RGS6: variants seen among roughly 807,000 people sequenced by gnomAD.
The protein encoded by RGS6 is regulator of G-protein signaling 6.
RGS6 carries 30 observed loss-of-function variants against 78.5 expected under a neutral mutation model. The observed-to-expected ratio is 0.38, with a 90% CI of 0.29 to 0.52. The LOEUF (loss-of-function observed/expected upper bound fraction) is 0.52, where lower values mean the gene tolerates loss of function less well. Ranked by LOEUF, RGS6 falls within the 20% of genes least tolerant of loss-of-function variation. The pLI is 0.85. For synonymous variants in RGS6, 206 were observed against 206.0 expected (o/e 1.00, Z 0.00); for missense variants, 495 against 609.7 (o/e 0.81, Z 1.98).
intron 1 of RGS6, among the ~76,000 whole-genome samples, chr14:71,955,960 G>A (rs543175811): frequency 6.6e-6 from 1 of 152,294 alleles, no homozygotes; most frequent in South Asian, 2.1e-4. Flanking sequence ...GAAGATGAGG[G>A]ACTTGCCTTC....
chr14:72,089,231 C>T (rs968472221), intron 2 of RGS6, among the ~76,000 whole-genome samples: 6 of 152,230 alleles, frequency 3.9e-5, no homozygotes, highest in African/African-American at 1.2e-4. Flanking sequence ...TTAAAACATA[C>T]TCACTGCATG....
intron 2 of RGS6, among the ~76,000 whole-genome samples, chr14:72,314,460 C>G (rs1826433462): frequency 6.6e-6 from 1 of 152,182 alleles, no homozygotes; most frequent in South Asian, 2.1e-4. Context: ...CTACTTATGT[C>G]TCATTGGCCA....
chr14:72,596,625 T>C, the RGS6 span, among the ~76,000 whole-genome samples: 5 of 152,164 alleles, frequency 3.3e-5, no homozygotes, highest in Non-Finnish European at 5.9e-5. Flanking sequence ...AGAGGAAGAA[T>C]TGACTGCCTT....
At chr14:72,450,970 T>A (rs2095478014) in intron 3 of RGS6, among the ~76,000 whole-genome samples, 1 of 152,212 alleles carries the variant, frequency 6.6e-6, no homozygotes, top group Non-Finnish European at 1.5e-5. Flanking sequence ...ACACAATGAT[T>A]TACTCCCTGC....
intron 2 of RGS6, among the ~76,000 whole-genome samples, chr14:72,032,046 A>G (rs2090983031): frequency 6.6e-6 from 1 of 152,094 alleles, no homozygotes; most frequent in African/African-American, 2.4e-5. Flanking sequence ...GTATAGTTTA[A>G]TGGACTGCTG....
At chr14:72,493,268 G>C (rs1440140451) in intron 12 of RGS6, among the ~76,000 whole-genome samples, 1 of 152,072 alleles carries the variant, frequency 6.6e-6, no homozygotes, top group Non-Finnish European at 1.5e-5. Flanking sequence ...TCAACAACTG[G>C]AAGAAACTTA....
chr14:72,456,961 G>A (rs1414774534), intron 4 of RGS6, among the ~76,000 whole-genome samples: 2 of 151,860 alleles, frequency 1.3e-5, no homozygotes, highest in Admixed American at 1.3e-4. Context: ...GCATGTGCCT[G>A]TGGTTCCAGC....
the RGS6 span, among the ~76,000 whole-genome samples, chr14:71,898,445 A>G: frequency 6.6e-6 from 1 of 152,212 alleles, no homozygotes; most frequent in Non-Finnish European, 1.5e-5. Context: ...AGGAAGTCCA[A>G]TGGAATTATC....
At chr14:72,371,201 G>A (rs1011939206) in intron 3 of RGS6, among the ~76,000 whole-genome samples, 1 of 152,154 alleles carries the variant, frequency 6.6e-6, no homozygotes, top group Non-Finnish European at 1.5e-5. Flanking sequence ...ATTCACTTTA[G>A]TAACAACCTC....
At chr14:71,876,824 T>A in the RGS6 span, among the ~76,000 whole-genome samples, 12 of 152,288 alleles carry the variant, frequency 7.9e-5, no homozygotes, top group African/African-American at 2.6e-4. Context: ...CAATTGTTCA[T>A]TTTCATTTTT....
At chr14:72,207,638 T>C (rs923732082) in intron 2 of RGS6, among the ~76,000 whole-genome samples, 4 of 152,190 alleles carry the variant, frequency 2.6e-5, no homozygotes, top group Admixed American at 6.5e-5. Context: ...CATCAACAGC[T>C]CACCTCACCC....
chr14:72,070,664 T>A (rs566617783), intron 2 of RGS6, among the ~76,000 whole-genome samples: 25 of 152,288 alleles, frequency 1.6e-4, no homozygotes, highest in African/African-American at 5.5e-4. Flanking sequence ...CCCATGTGGC[T>A]CCACTCTAAA....
chr14:72,342,158 C>T (rs183952555), intron 2 of RGS6, among the ~76,000 whole-genome samples: 1 of 152,242 alleles, frequency 6.6e-6, no homozygotes, highest in African/African-American at 2.4e-5. Context: ...TACAATTCTC[C>T]TTGGTAGGCT....
intron 3 of RGS6, among the ~76,000 whole-genome samples, chr14:72,366,831 C>T (rs1458848436): frequency 2.0e-5 from 3 of 152,170 alleles, no homozygotes; most frequent in African/African-American, 4.8e-5. Context: ...AGAATGCCTG[C>T]CAGCCCCAGG....
intron 2 of RGS6, among the ~76,000 whole-genome samples, chr14:72,290,545 G>A (rs559824818): frequency 3.3e-5 from 5 of 152,192 alleles, no homozygotes; most frequent in South Asian, 2.1e-4. Context: ...ATTGAGTCTC[G>A]GACTTTAAGA....
the RGS6 span, among the ~76,000 whole-genome samples, chr14:72,593,258 C>G: frequency 1.3e-5 from 2 of 152,246 alleles, no homozygotes; most frequent in Non-Finnish European, 2.9e-5. Context: ...CTGAGCAGAA[C>G]TATTCATAAC....
chr14:71,947,062 C>G (rs1006155449), intron 1 of RGS6, among the ~76,000 whole-genome samples: 1 of 152,116 alleles, frequency 6.6e-6, no homozygotes, highest in African/African-American at 2.4e-5. Context: ...TGTCAGCCCC[C>G]CTTACAGTGA....
chr14:72,358,173 C>T (rs918030126), intron 3 of RGS6, among the ~76,000 whole-genome samples: 2 of 152,186 alleles, frequency 1.3e-5, no homozygotes, highest in African/African-American at 4.8e-5. Flanking sequence ...TATAGAAACA[C>T]CTGGATGTCC....
At chr14:72,370,316 G>A (rs983533398) in intron 3 of RGS6, among the ~76,000 whole-genome samples, 1 of 152,152 alleles carries the variant, frequency 6.6e-6, no homozygotes, top group African/African-American at 2.4e-5. Context: ...CCTGTCAGAC[G>A]ATGCCTTTAT....
Sources: gnomAD v4.1 joint callset for allele counts (sites outside exome capture counted in the v4.1 genomes callset) on GRCh38, gnomAD v4.1.1 for gene constraint, MANE v1.5 for transcripts, NCBI Gene and HGNC (gene_info 2026-07-23, HGNC 2026-07-21) for gene names.